Variants in MIPOL1 observed in about 807,000 individuals in gnomAD.
MIPOL1 encodes the protein mirror-image polydactyly 1, also known as mirror-image polydactyly gene 1 protein.
MIPOL1 carries 57 observed loss-of-function variants against 60.9 expected under a neutral mutation model. The observed-to-expected ratio is 0.94, with a 90% confidence interval of 0.76 to 1.17. MIPOL1 has a LOEUF of 1.17. Among genes scored for constraint, MIPOL1 ranks in the 50% most tolerant of loss-of-function variants. The pLI is 0.00. For missense variants in MIPOL1, 551 were observed against 511.6 expected, an observed-to-expected ratio of 1.08 and a Z score of -0.74; for synonymous variants, 179 against 168.8, an observed-to-expected ratio of 1.06 and a Z score of -0.47.
intron 12 of MIPOL1, among the ~76,000 whole-genome samples, chr14:37,515,266 T>A (rs2095360478): frequency 6.6e-6 from 1 of 151,732 alleles, no homozygotes; most frequent in South Asian, 2.1e-4. Flanking sequence ...ACAGAGGCAC[T>A]TTTCACTTCT....
At chr14:37,288,130 T>A (rs1357430473) in intron 7 of MIPOL1, among the ~76,000 whole-genome samples, 2 of 151,998 alleles carry the variant, frequency 1.3e-5, no homozygotes, top group Non-Finnish European at 2.9e-5. Context: ...GGACTTTTAT[T>A]AATTGTTTTC....
At chr14:37,253,589 G>A (rs562271672) in intron 3 of MIPOL1, among the ~76,000 whole-genome samples, 13 of 151,704 alleles carry the variant, frequency 8.6e-5, no homozygotes, top group African/African-American at 3.1e-4. Flanking sequence ...GTAAATCGTG[G>A]TGATTGTCTT....
At chr14:37,403,943 T>C (rs2093539857) in intron 10 of MIPOL1, among the ~76,000 whole-genome samples, 1 of 152,200 alleles carries the variant, frequency 6.6e-6, no homozygotes. Flanking sequence ...TTGTAAATTC[T>C]TGTAGACACC....
intron 11 of MIPOL1, among the ~76,000 whole-genome samples, chr14:37,478,389 G>T (rs1363382199): frequency 2.0e-5 from 3 of 152,134 alleles, no homozygotes; most frequent in Non-Finnish European, 4.4e-5. Context: ...TTAAAGATTT[G>T]TGGTGATAAA....
chr14:37,363,917 C>G (rs757598979), intron 9 of MIPOL1, among the ~76,000 whole-genome samples: 15 of 152,324 alleles, frequency 9.8e-5, no homozygotes, highest in Non-Finnish European at 2.1e-4. Context: ...AGCCATGTTC[C>G]GTGGGCATGT....
intron 10 of MIPOL1, among the ~76,000 whole-genome samples, chr14:37,411,584 C>T (rs2093682080): frequency 6.6e-6 from 1 of 152,086 alleles, no homozygotes; most frequent in Non-Finnish European, 1.5e-5. Flanking sequence ...AAACTATGGC[C>T]TCTGGACCAG....
intron 11 of MIPOL1, among the ~76,000 whole-genome samples, chr14:37,443,707 A>T (rs2094287970): frequency 6.6e-6 from 1 of 151,456 alleles, no homozygotes. Flanking sequence ...GGGCATTACA[A>T]GAAATGAAAA....
intron 12 of MIPOL1, chr14:37,501,442 TA>T (rs1337156353): frequency 6.6e-6 from 1 of 152,210 alleles, no homozygotes; most frequent in Non-Finnish European, 1.5e-5. Flanking sequence ...CAAAATTCCC[TA>T]AAACAGTGGT....
chr14:37,544,673 A>G (rs2095541210), intron 12 of MIPOL1, among the ~76,000 whole-genome samples: 1 of 152,196 alleles, frequency 6.6e-6, no homozygotes, highest in South Asian at 2.1e-4. Flanking sequence ...TAGGTGCTTC[A>G]TTGTGTTACA....
At chr14:37,225,267 G>A (rs1969511315) in intron 1 of MIPOL1, among the ~76,000 whole-genome samples, 1 of 152,120 alleles carries the variant, frequency 6.6e-6, no homozygotes, top group South Asian at 2.1e-4. Flanking sequence ...ACAAGGTGGT[G>A]CCCCAGTAGG....
chr14:37,295,259 G>C (rs572492558), intron 7 of MIPOL1, among the ~76,000 whole-genome samples: 21 of 152,282 alleles, frequency 1.4e-4, no homozygotes, highest in East Asian at 1.2e-3. Flanking sequence ...AATGCTGAGA[G>C]ATTTTGTCAC....
chr14:37,220,268 T>C (rs935198153), intron 1 of MIPOL1, among the ~76,000 whole-genome samples: 3 of 152,220 alleles, frequency 2.0e-5, no homozygotes, highest in African/African-American at 7.2e-5. Flanking sequence ...AATGCTGAAA[T>C]GCTGTTTTGC....
chr14:37,434,018 A>G (rs529430071), intron 11 of MIPOL1, among the ~76,000 whole-genome samples: 1 of 152,320 alleles, frequency 6.6e-6, no homozygotes, highest in East Asian at 1.9e-4. Context: ...TTTATCATAA[A>G]ATGATTTATA....
intron 9 of MIPOL1, among the ~76,000 whole-genome samples, chr14:37,343,176 A>G (rs1365365921): frequency 6.6e-6 from 1 of 151,914 alleles, no homozygotes; most frequent in Non-Finnish European, 1.5e-5. Flanking sequence ...GGTTTCAGAG[A>G]TTCATCCACT....
intron 11 of MIPOL1, among the ~76,000 whole-genome samples, chr14:37,434,754 G>A (rs1443823143): frequency 6.6e-6 from 1 of 151,610 alleles, no homozygotes; most frequent in African/African-American, 2.4e-5. Context: ...CTTCCTTAGG[G>A]GATCTCTGTC....
intron 7 of MIPOL1, among the ~76,000 whole-genome samples, chr14:37,291,380 T>C (rs1270657768): frequency 6.6e-6 from 1 of 152,238 alleles, no homozygotes; most frequent in Non-Finnish European, 1.5e-5. Flanking sequence ...GAATCTTTCC[T>C]TTATGTTGGT....
chr14:37,531,954 G>T (rs532976002), intron 12 of MIPOL1, among the ~76,000 whole-genome samples: 8 of 151,992 alleles, frequency 5.3e-5, no homozygotes, highest in Non-Finnish European at 1.0e-4. Flanking sequence ...TCCCATGCCC[G>T]CCGTACATTA....
At chr14:37,454,402 T>C (rs528570459) in intron 11 of MIPOL1, among the ~76,000 whole-genome samples, 2 of 152,350 alleles carry the variant, frequency 1.3e-5, no homozygotes, top group East Asian at 3.9e-4. Context: ...AACACTTACA[T>C]AGACCTTATT....
chr14:37,426,628 GTATA>G (rs200303566), intron 11 of MIPOL1, among the ~76,000 whole-genome samples: 1 of 104,548 alleles, frequency 9.6e-6, no homozygotes, highest in African/African-American at 3.5e-5. Context: ...ATGTATATAT[GTATA>G]TATATATATT....
Sources: gnomAD v4.1 joint callset for allele counts (sites outside exome capture counted in the v4.1 genomes callset) on GRCh38, gnomAD v4.1.1 for gene constraint, MANE v1.5 for transcripts, NCBI Gene and HGNC (gene_info 2026-07-23, HGNC 2026-07-21) for gene names.